Variants in GPAT3 observed in about 807,000 individuals in gnomAD.
GPAT3 encodes the protein 1-AGP acyltransferase 9.
In GPAT3, 53 loss-of-function variants were observed where a neutral mutation model predicts 58.8. The observed-to-expected ratio is 0.90, with a 90% CI of 0.72 to 1.13. The LOEUF is 1.13. GPAT3 is among the 50% of genes most tolerant of loss of function. The pLI is 0.00. For synonymous variants in GPAT3, 197 were observed against 187.4 expected (o/e 1.05, Z -0.42); for missense variants, 511 against 527.6 (o/e 0.97, Z 0.31).
intron 2 of GPAT3, among the ~76,000 whole-genome samples, chr4:83,560,307 C>T (rs1419404911): frequency 6.6e-6 from 1 of 152,172 alleles, no homozygotes; most frequent in Non-Finnish European, 1.5e-5. Context: ...TGCTCTTCAC[C>T]AGTTTGATCC....
chr4:83,580,823 G>A (rs769523639), intron 2 of GPAT3, among the ~76,000 whole-genome samples: 12 of 152,200 alleles, frequency 7.9e-5, no homozygotes, highest in Admixed American at 3.3e-4. Context: ...TCGGCCGGGC[G>A]TGGTGGCTCA....
intron 1 of GPAT3, among the ~76,000 whole-genome samples, chr4:83,540,413 G>A (rs1447944312): frequency 6.6e-6 from 1 of 152,178 alleles, no homozygotes; most frequent in Non-Finnish European, 1.5e-5. Context: ...AGATACCCCT[G>A]TAAGAGATTC....
intron 1 of GPAT3, among the ~76,000 whole-genome samples, chr4:83,544,010 A>T (rs1358554946): frequency 1.3e-5 from 2 of 152,166 alleles, no homozygotes; most frequent in Middle Eastern, 6.8e-3. Flanking sequence ...CTTATTTCTG[A>T]TGCATCTTTG....
chr4:83,538,767 C>T (rs971541821), intron 1 of GPAT3, among the ~76,000 whole-genome samples: 3 of 152,140 alleles, frequency 2.0e-5, no homozygotes, highest in Non-Finnish European at 4.4e-5. Flanking sequence ...CTGGATAACT[C>T]CAGAGCTGAA....
chr4:83,560,646 C>A (rs1220612227), intron 2 of GPAT3, among the ~76,000 whole-genome samples: 1 of 152,150 alleles, frequency 6.6e-6, no homozygotes, highest in East Asian at 1.9e-4. Context: ...TTGGATGTGT[C>A]CTCCTGCTCA....
intron 2 of GPAT3, among the ~76,000 whole-genome samples, chr4:83,569,635 T>G (rs1283725250): frequency 6.6e-6 from 1 of 152,242 alleles, no homozygotes; most frequent in Non-Finnish European, 1.5e-5. Context: ...GCACTGATGT[T>G]ACAGAGTCTT....
At chr4:83,540,677 TTTTTA>T (rs1418797456) in intron 1 of GPAT3, among the ~76,000 whole-genome samples, 5 of 152,034 alleles carry the variant, frequency 3.3e-5, no homozygotes, top group African/African-American at 9.7e-5. Flanking sequence ...CCCTGTTTTA[TTTTTA>T]TTTTATTTTA....
At chr4:83,578,781 A>G (rs1198262369) in intron 2 of GPAT3, among the ~76,000 whole-genome samples, 1 of 152,160 alleles carries the variant, frequency 6.6e-6, no homozygotes, top group Non-Finnish European at 1.5e-5. Flanking sequence ...TCTTTTGGAG[A>G]TGGTGAAAAA....
At chr4:83,553,534 C>T (rs1401056982) in intron 2 of GPAT3, among the ~76,000 whole-genome samples, 4 of 152,264 alleles carry the variant, frequency 2.6e-5, no homozygotes, top group Non-Finnish European at 5.9e-5. Context: ...AACCCCTCAG[C>T]AGCTTGGAAG....
intron 4 of GPAT3, among the ~76,000 whole-genome samples, chr4:83,587,773 C>T (rs1726434081): frequency 6.6e-6 from 1 of 152,160 alleles, no homozygotes; most frequent in Non-Finnish European, 1.5e-5. Flanking sequence ...GAATCCTGCT[C>T]ACTTCATCTT....
intron 6 of GPAT3, among the ~76,000 whole-genome samples, chr4:83,591,615 C>A (rs1397768950): frequency 6.6e-6 from 1 of 152,160 alleles, no homozygotes; most frequent in Non-Finnish European, 1.5e-5. Flanking sequence ...TCCCTAAAGA[C>A]CATCCAAGGA....
chr4:83,576,645 T>C (rs1341247911), intron 2 of GPAT3, among the ~76,000 whole-genome samples: 1 of 152,042 alleles, frequency 6.6e-6, no homozygotes, highest in Non-Finnish European at 1.5e-5. Context: ...GGATTTCGCA[T>C]GTTGGCCAGG....
chr4:83,543,514 T>C (rs1724388078), intron 1 of GPAT3, among the ~76,000 whole-genome samples: 1 of 152,212 alleles, frequency 6.6e-6, no homozygotes, highest in Non-Finnish European at 1.5e-5. Flanking sequence ...AAGTGAGAGT[T>C]GTTTTCCAGT....
At chr4:83,581,095 CAAAAAAAAAA>C (rs35894737) in intron 2 of GPAT3, among the ~76,000 whole-genome samples, 2 of 70,288 alleles carry the variant, frequency 2.8e-5, no homozygotes, top group Non-Finnish European at 2.5e-5. Flanking sequence ...GACTCCGTCT[CAAAAAAAAAA>C]AAAAAAAAAA....
chr4:83,554,845 C>T (rs898938807), intron 2 of GPAT3, among the ~76,000 whole-genome samples: 55 of 148,716 alleles, frequency 3.7e-4, no homozygotes, highest in African/African-American at 1.3e-3. Context: ...GCTGTGTCAC[C>T]TAGGCTGGAG....
chr4:83,601,194 T>C (rs1388974623), intron 11 of GPAT3, among the ~76,000 whole-genome samples: 5 of 152,218 alleles, frequency 3.3e-5, no homozygotes, highest in Admixed American at 3.3e-4. Context: ...TTGTTCAATG[T>C]TGTTTCTTTA....
At chr4:83,574,986 C>T (rs1427021186) in intron 2 of GPAT3, among the ~76,000 whole-genome samples, 2 of 150,290 alleles carry the variant, frequency 1.3e-5, no homozygotes, top group East Asian at 2.0e-4. Context: ...ACGCCATTCT[C>T]CTGCCTCAGC....
At chr4:83,544,714 T>G (rs1578159584) in intron 2 of GPAT3, 112 bp downstream of exon 2, 1 of 1,011,184 alleles carries the variant, frequency 9.9e-7, no homozygotes, top group Middle Eastern at 3.1e-4. Context: ...AGGGTTTGGA[T>G]CTTTCATAAT....
chr4:83,568,787 G>A (rs1725500171), intron 2 of GPAT3, among the ~76,000 whole-genome samples: 1 of 151,978 alleles, frequency 6.6e-6, no homozygotes, highest in Non-Finnish European at 1.5e-5. Flanking sequence ...TTACAGGTAT[G>A]AGCCACCACG....
Sources: allele counts gnomAD v4.1 joint callset (sites outside exome capture counted in the v4.1 genomes callset), GRCh38; gene constraint gnomAD v4.1.1; transcripts MANE v1.5; gene names NCBI Gene and HGNC (gene_info 2026-07-23, HGNC 2026-07-21).